The following IQCM variants were observed in gnomAD, a reference collection of about 807,000 sequenced individuals.
IQCM encodes the protein IQ motif containing M.
In IQCM, 45 loss-of-function variants were observed where a neutral mutation model predicts 57.6. That is an observed-to-expected ratio of 0.78 (90% CI 0.62 to 1.00). The LOEUF (loss-of-function observed/expected upper bound fraction) is 1.00. Ranked by LOEUF, IQCM falls within the 50% of genes least tolerant of loss-of-function variation. The pLI is 0.00. For missense variants in IQCM, 468 were observed against 511.6 expected, an observed-to-expected ratio of 0.91 and a Z score of 0.82; for synonymous variants, 148 against 158.9, an observed-to-expected ratio of 0.93 and a Z score of 0.51.
intron 13 of IQCM, among the ~76,000 whole-genome samples, chr4:149,432,445 A>T (rs1281460889): frequency 6.6e-6 from 1 of 152,026 alleles, no homozygotes; most frequent in Non-Finnish European, 1.5e-5. Flanking sequence ...TTGTGATATC[A>T]AAGTATTAAA....
intron 9 of IQCM, among the ~76,000 whole-genome samples, chr4:149,573,645 T>C (rs908248196): frequency 6.6e-6 from 1 of 151,614 alleles, no homozygotes; most frequent in African/African-American, 2.4e-5. Context: ...TTCAAAATAG[T>C]ATTGTTAGGG....
intron 12 of IQCM, among the ~76,000 whole-genome samples, chr4:149,486,467 G>T (rs1055061934): frequency 2.0e-5 from 3 of 152,036 alleles, no homozygotes; most frequent in Non-Finnish European, 2.9e-5. Flanking sequence ...CCAAAAGCTC[G>T]GCCAGGCACT....
At chr4:149,662,823 A>T (rs1444219925) in intron 7 of IQCM, among the ~76,000 whole-genome samples, 1 of 151,994 alleles carries the variant, frequency 6.6e-6, no homozygotes, top group Non-Finnish European at 1.5e-5. Context: ...CCTTATTGGC[A>T]GCATACAGTT....
chr4:149,598,726 A>C (rs1754000414), intron 8 of IQCM, among the ~76,000 whole-genome samples: 1 of 152,344 alleles, frequency 6.6e-6, no homozygotes, highest in Admixed American at 6.5e-5. Flanking sequence ...GGCAAAGGTT[A>C]AAACTTTGAC....
intron 8 of IQCM, among the ~76,000 whole-genome samples, chr4:149,613,380 T>C (rs1755480313): frequency 6.6e-6 from 1 of 152,150 alleles, no homozygotes; most frequent in Non-Finnish European, 1.5e-5. Flanking sequence ...TAAAAAGATG[T>C]TGAAATTTCC....
intron 12 of IQCM, among the ~76,000 whole-genome samples, chr4:149,496,759 A>G (rs1742699068): frequency 6.6e-6 from 1 of 152,182 alleles, no homozygotes; most frequent in South Asian, 2.1e-4. Context: ...AGCATCAATA[A>G]GAAGCTAATA....
At chr4:149,439,459 T>C (rs945876027) in intron 12 of IQCM, among the ~76,000 whole-genome samples, 1 of 152,150 alleles carries the variant, frequency 6.6e-6, no homozygotes, top group South Asian at 2.1e-4. Flanking sequence ...AAATAAATTT[T>C]ATAGCTGCCC....
chr4:149,461,829 T>A (rs1738322978), intron 12 of IQCM, among the ~76,000 whole-genome samples: 1 of 151,702 alleles, frequency 6.6e-6, no homozygotes, highest in Admixed American at 6.6e-5. Context: ...ACTATATATA[T>A]ATAGTGTGTA....
chr4:149,717,971 G>A (rs1381747011), intron 5 of IQCM, among the ~76,000 whole-genome samples: 1 of 152,186 alleles, frequency 6.6e-6, no homozygotes, highest in Admixed American at 6.5e-5. Flanking sequence ...GGTGGCCTCT[G>A]ATGATAGGAA....
intron 7 of IQCM, among the ~76,000 whole-genome samples, chr4:149,633,491 C>T (rs1275751244): frequency 6.6e-6 from 1 of 152,088 alleles, no homozygotes; most frequent in East Asian, 1.9e-4. Flanking sequence ...TCCATTATTA[C>T]TAATAATTGA....
chr4:149,439,302 C>T (rs1735674080), intron 12 of IQCM, among the ~76,000 whole-genome samples: 1 of 151,972 alleles, frequency 6.6e-6, no homozygotes, highest in African/African-American at 2.4e-5. Flanking sequence ...ACTTTATTTT[C>T]ATTCTGTATT....
intron 5 of IQCM, among the ~76,000 whole-genome samples, chr4:149,729,621 C>T (rs552248872): frequency 6.6e-5 from 10 of 152,160 alleles, no homozygotes; most frequent in South Asian, 2.1e-4. Context: ...ATTACAGGAG[C>T]GTATCACCAT....
At chr4:149,805,678 C>T (rs1774011689) in intron 2 of IQCM, among the ~76,000 whole-genome samples, 1 of 151,878 alleles carries the variant, frequency 6.6e-6, no homozygotes, top group Admixed American at 6.6e-5. Flanking sequence ...AATGTTGGCT[C>T]CATTAGCATA....
At chr4:149,516,642 C>T (rs374677824) in intron 12 of IQCM, among the ~76,000 whole-genome samples, 2 of 152,248 alleles carry the variant, frequency 1.3e-5, no homozygotes, top group African/African-American at 2.4e-5. Context: ...AGCCAGGATT[C>T]ATGGGGCCAG....
intron 7 of IQCM, among the ~76,000 whole-genome samples, chr4:149,675,870 C>A (rs1449209529): frequency 6.6e-6 from 1 of 151,924 alleles, no homozygotes; most frequent in Non-Finnish European, 1.5e-5. Flanking sequence ...AATTTTCTAA[C>A]TTTTTATCTC....
chr4:149,409,413 G>A (rs1457683387), intron 13 of IQCM, among the ~76,000 whole-genome samples: 1 of 152,220 alleles, frequency 6.6e-6, no homozygotes, highest in Non-Finnish European at 1.5e-5. Context: ...GTCATAGGAT[G>A]TGGCAAATAG....
At position 149,614,136 on chromosome 4, in the gene IQCM, A is replaced by T. The variant is rs577744930; in HGVS notation, c.681+6993T>A. 2.2e-3 allele frequency among the ~76,000 whole-genome samples: 336 copies of T among 151,858 alleles called. 2 individuals carry two copies. Among genetic ancestry groups the T allele is most frequent in the Admixed American group, 4.5e-3 (69 of 15,238 alleles). ...TGTAGGATGTGTTCCCCTTGGTGGG[A>T]GTGTTGAGGGTGGGGCTGCAAAGTC... On this transcript the variant is annotated intron_variant, in intron 8 of 13. Coordinates refer to ENST00000636793, the MANE Select transcript of IQCM (RefSeq NM_001363507.2).
intron 13 of IQCM, among the ~76,000 whole-genome samples, chr4:149,369,496 CT>C (rs1220697843): frequency 6.6e-6 from 1 of 152,140 alleles, no homozygotes; most frequent in Non-Finnish European, 1.5e-5. Context: ...TTCTACATAA[CT>C]TGGTATATTC....
chr4:149,751,630 C>G (rs974790617), intron 2 of IQCM, among the ~76,000 whole-genome samples: 2 of 152,166 alleles, frequency 1.3e-5, no homozygotes, highest in Non-Finnish European at 2.9e-5. Flanking sequence ...TACTGCAAGA[C>G]CAAATGAATG....
Sources: allele counts gnomAD v4.1 joint callset (sites outside exome capture counted in the v4.1 genomes callset), GRCh38; gene constraint gnomAD v4.1.1; transcripts MANE v1.5; gene names NCBI Gene and HGNC (gene_info 2026-07-23, HGNC 2026-07-21).